THSD4: variants seen among roughly 807,000 people sequenced by gnomAD.
THSD4 encodes thrombospondin type 1 domain containing 4, also known as thrombospondin type-1 domain-containing protein 4.
THSD4 carries 69 observed loss-of-function variants against 119.0 expected under a neutral mutation model. The observed-to-expected ratio is 0.58, with a 90% CI of 0.48 to 0.71. THSD4 has a LOEUF of 0.71. THSD4 is among the 30% of genes least tolerant of loss of function. The pLI is 0.00. For missense variants in THSD4, 1,393 were observed against 1,391.1 expected (o/e 1.00, Z -0.02); for synonymous variants, 524 against 540.4 (o/e 0.97, Z 0.42).
intron 6 of THSD4, among the ~76,000 whole-genome samples, chr15:71,358,415 A>G (rs900694360): frequency 3.9e-5 from 6 of 152,230 alleles, no homozygotes; most frequent in African/African-American, 1.4e-4. Context: ...GCCATCCGAC[A>G]GAAATCCCAT....
At chr15:71,141,120 G>A (rs2040599633) in intron 1 of THSD4, among the ~76,000 whole-genome samples, 3 of 152,200 alleles carry the variant, frequency 2.0e-5, no homozygotes, top group Admixed American at 2.0e-4. Flanking sequence ...GACATCTATG[G>A]TCAAATAGCC....
At chr15:71,111,241 G>A (rs375302695), upstream of THSD4, 1,155 of 1,613,882 alleles carry the variant, frequency 7.2e-4, 2 homozygotes, top group Non-Finnish European at 6.7e-4. Flanking sequence ...CCTGAAGTGT[G>A]GCCTGAAGAC....
chr15:71,625,849 G>A (rs1273068740), intron 7 of THSD4, among the ~76,000 whole-genome samples: 3 of 152,120 alleles, frequency 2.0e-5, no homozygotes, highest in Non-Finnish European at 4.4e-5. Flanking sequence ...GGTAGAGAGG[G>A]GCACAGCAGC....
intron 6 of THSD4, among the ~76,000 whole-genome samples, chr15:71,332,910 G>GTTTTTTTTTTTTTTTTTTTTTTTTTTTT (rs1596343275): frequency 6.5e-5 from 1 of 15,426 alleles, no homozygotes; most frequent in Non-Finnish European, 1.6e-4. Flanking sequence ...TTTTTTTTTA[G>GTTTTTTTTTTTTTTTTTTTTTTTTTTTT]TTCATCAGCT....
intron 6 of THSD4, among the ~76,000 whole-genome samples, chr15:71,293,818 A>C (rs2044826014): frequency 6.6e-6 from 1 of 152,016 alleles, no homozygotes; most frequent in Admixed American, 6.6e-5. Flanking sequence ...GAGGAGGTGT[A>C]AGATGGTCAC....
intron 3 of THSD4, among the ~76,000 whole-genome samples, chr15:71,193,808 C>T (rs975847949): frequency 6.6e-6 from 1 of 152,220 alleles, no homozygotes; most frequent in Non-Finnish European, 1.5e-5. Context: ...CCCGGGTTCA[C>T]ACCATTCTCC....
chr15:71,251,134 A>G (rs2044255301), intron 5 of THSD4, among the ~76,000 whole-genome samples: 1 of 152,184 alleles, frequency 6.6e-6, no homozygotes, highest in Non-Finnish European at 1.5e-5. Flanking sequence ...GAGATATTAA[A>G]CATATTTGAA....
At chr15:71,201,209 A>G (rs1288601436) in intron 3 of THSD4, among the ~76,000 whole-genome samples, 2 of 152,020 alleles carry the variant, frequency 1.3e-5, no homozygotes, top group Non-Finnish European at 2.9e-5. Context: ...CCCGTGTTGT[A>G]GAAGAAAGGG....
chr15:71,699,210 C>CTTTTT (rs34295616), intron 8 of THSD4, among the ~76,000 whole-genome samples: 8 of 72,998 alleles, frequency 1.1e-4, no homozygotes, highest in Non-Finnish European at 1.4e-4. Flanking sequence ...ATAGCTACAG[C>CTTTTT]TTTTTTTTTT....
At chr15:71,763,654 T>TA (rs1400069220) in intron 15 of THSD4, among the ~76,000 whole-genome samples, 1 of 152,014 alleles carries the variant, frequency 6.6e-6, no homozygotes, top group Non-Finnish European at 1.5e-5. Flanking sequence ...TTCCAGTGAT[T>TA]ATCTTGCCTC....
intron 6 of THSD4, among the ~76,000 whole-genome samples, chr15:71,408,167 C>CAA (rs57537140): frequency 2.3e-4 from 34 of 148,326 alleles, no homozygotes; most frequent in Middle Eastern, 3.4e-3. Flanking sequence ...TACTTAAAGG[C>CAA]AAAAAAAAAA....
At chr15:71,524,829 A>G (rs1449876675) in intron 7 of THSD4, among the ~76,000 whole-genome samples, 2 of 141,750 alleles carry the variant, frequency 1.4e-5, no homozygotes, top group Non-Finnish European at 3.0e-5. Context: ...AGCCAGGATG[A>G]TCTCGATCTC....
intron 3 of THSD4, among the ~76,000 whole-genome samples, chr15:71,165,928 A>C (rs2043290788): frequency 6.6e-6 from 1 of 152,040 alleles, no homozygotes; most frequent in Admixed American, 6.6e-5. Flanking sequence ...CTGTCAGGCC[A>C]AGGGTGTGTG....
chr15:71,157,786 A>C (rs1424182720), intron 3 of THSD4, among the ~76,000 whole-genome samples: 1 of 147,962 alleles, frequency 6.8e-6, no homozygotes, highest in Non-Finnish European at 1.5e-5. Flanking sequence ...CTCCAGGTCC[A>C]TCCATGTTGT....
At chr15:71,734,426 A>G (rs2053041864) in intron 10 of THSD4, among the ~76,000 whole-genome samples, 2 of 152,220 alleles carry the variant, frequency 1.3e-5, no homozygotes, top group Admixed American at 6.5e-5. Flanking sequence ...GATTCCAACT[A>G]TATGACATTC....
intron 10 of THSD4, chr15:71,732,425 C>CT (rs1441077243): frequency 6.6e-6 from 1 of 152,226 alleles, no homozygotes; most frequent in Admixed American, 6.5e-5. Flanking sequence ...GGACTGCTCT[C>CT]TGAGTCTGCA....
chr15:71,482,514 T>TA lies in THSD4; in HGVS notation c.1152+70692dup, dbSNP rs553350513. On this transcript the variant is annotated intron_variant, in intron 7 of 17. Transcript: ENST00000261862. ...ACTGTGTTAGCCAGGATGGTCTTGA[T>TA]ATCCTGACCTCGTGATCTGCCTGCC... Among the ~76,000 whole-genome samples the TA allele has an allele frequency of 2.5e-3, 381 of 152,140 alleles. 2 individuals carry two copies. The highest frequency in any genetic ancestry group is 6.8e-3 in the Middle Eastern group (2 of 294).
chr15:71,489,571 T>C (rs1173431357), intron 7 of THSD4, among the ~76,000 whole-genome samples: 1 of 152,152 alleles, frequency 6.6e-6, no homozygotes, highest in Non-Finnish European at 1.5e-5. Context: ...TAGGGCTTTA[T>C]GAAATCTGCT....
In THSD4 at chr15:71,781,970, C is replaced by T. The variant is rs539954805; in HGVS notation, c.*4596C>T. Reference sequence around the variant, plus strand: ...CAGCCATGGGGAGCCCACTGTGGGACTGAAACCCTGAGCTGAATGCGGCCT... The same window carrying T: ...CAGCCATGGGGAGCCCACTGTGGGATTGAAACCCTGAGCTGAATGCGGCCT... On this transcript the variant is annotated 3_prime_UTR_variant, in exon 18 of 18. Coordinates refer to ENST00000261862, the MANE Select transcript of THSD4 (RefSeq NM_024817.3). The T allele has an allele frequency of 3.3e-5, 5 of 152,428 alleles. No individual in the cohort carries two copies. In the East Asian group the frequency reaches 9.6e-4, roughly 29 times the overall value. 9.4% of individuals were successfully genotyped at this position (152,428 alleles called of 1,614,324 possible).
Sources: gnomAD v4.1 joint callset for allele counts (sites outside exome capture counted in the v4.1 genomes callset) on GRCh38, gnomAD v4.1.1 for gene constraint, MANE v1.5 for transcripts, NCBI Gene and HGNC (gene_info 2026-07-23, HGNC 2026-07-21) for gene names.